Variants in SMYD3 observed in about 807,000 individuals in gnomAD.
The protein encoded by SMYD3 is SET and MYND domain containing 3.
Under a neutral mutation model 57.7 loss-of-function variants are expected in SMYD3, and 36 were observed. The ratio of observed to expected loss-of-function variants is 0.62; its 90% confidence interval spans 0.48 to 0.82. The LOEUF (loss-of-function observed/expected upper bound fraction) is 0.82. SMYD3 is among the 40% of genes least tolerant of loss of function. The pLI is 0.00. For synonymous variants in SMYD3, 211 were observed against 195.0 expected (o/e 1.08, Z -0.68); for missense variants, 515 against 538.8 (o/e 0.96, Z 0.44).
intron 2 of SMYD3, among the ~76,000 whole-genome samples, chr1:246,350,636 G>A (rs1410369632): frequency 1.4e-5 from 2 of 142,102 alleles, no homozygotes; most frequent in East Asian, 4.2e-4. Context: ...AAGGGAAGTG[G>A]GTCTGGGGGA....
intron 10 of SMYD3, among the ~76,000 whole-genome samples, chr1:245,778,382 AT>A (rs1553319320): frequency 1.6e-4 from 24 of 151,188 alleles, no homozygotes; most frequent in East Asian, 1.9e-4. Context: ...GTAGCCAATT[AT>A]TTTTTTTTTC....
At chr1:246,323,890 C>G (rs2065291865) in intron 5 of SMYD3, among the ~76,000 whole-genome samples, 1 of 142,462 alleles carries the variant, frequency 7.0e-6, no homozygotes, top group African/African-American at 2.8e-5. Context: ...AGGTTTAAAA[C>G]TCCGAAGAGA....
chr1:246,329,707 T>G (rs1185514305), intron 4 of SMYD3, among the ~76,000 whole-genome samples: 1 of 152,198 alleles, frequency 6.6e-6, no homozygotes, highest in East Asian at 1.9e-4. Context: ...CAGATCCCAT[T>G]TGTCAATTTT....
At chr1:245,900,395 C>T (rs2054106646) in intron 8 of SMYD3, among the ~76,000 whole-genome samples, 1 of 152,150 alleles carries the variant, frequency 6.6e-6, no homozygotes, top group Non-Finnish European at 1.5e-5. Context: ...TCCCTTTGCT[C>T]TTTGCCTCTT....
chr1:245,766,310 G>C (rs897350354), intron 10 of SMYD3, among the ~76,000 whole-genome samples: 3 of 148,892 alleles, frequency 2.0e-5, no homozygotes, highest in Non-Finnish European at 4.4e-5. Context: ...GGCTGAGGCA[G>C]AAATGCTTGA....
At chr1:245,853,807 T>C (rs2051100287) in intron 10 of SMYD3, among the ~76,000 whole-genome samples, 1 of 152,200 alleles carries the variant, frequency 6.6e-6, no homozygotes. Flanking sequence ...AAACCCCTGA[T>C]TTGTAACCAT....
At chr1:246,237,327 A>T (rs188133851) in intron 5 of SMYD3, among the ~76,000 whole-genome samples, 2 of 152,182 alleles carry the variant, frequency 1.3e-5, no homozygotes, top group Non-Finnish European at 2.9e-5. Context: ...TCCAACCAAG[A>T]TATGAGGAAC....
chr1:246,455,263 T>G (rs1235783519), intron 1 of SMYD3, among the ~76,000 whole-genome samples: 1 of 152,188 alleles, frequency 6.6e-6, no homozygotes, highest in Non-Finnish European at 1.5e-5. Context: ...ATTAACTACC[T>G]AACCAGGAAG....
intron 10 of SMYD3, among the ~76,000 whole-genome samples, chr1:245,784,233 T>TC (rs1311899337): frequency 1.3e-5 from 2 of 152,236 alleles, no homozygotes; most frequent in Non-Finnish European, 2.9e-5. Flanking sequence ...TTTCCAGTTT[T>TC]CCACTGTACT....
chr1:246,327,392 AT>A, intron 4 of SMYD3, 55 bp from the exon 5 acceptor site: 1 of 1,514,894 alleles, frequency 6.6e-7, no homozygotes, highest in South Asian at 1.2e-5. Flanking sequence ...CTGAAGGATA[AT>A]TTTCAAGTGT....
intron 7 of SMYD3, among the ~76,000 whole-genome samples, chr1:245,923,101 A>C (rs1031640887): frequency 6.6e-6 from 1 of 152,170 alleles, no homozygotes; most frequent in African/African-American, 2.4e-5. Context: ...TGGTTCAACG[A>C]GTTGAGAAAA....
At position 246,425,186 on chromosome 1, in the gene SMYD3, T is replaced by C. The variant is rs559942544; in HGVS notation, c.165-70092A>G. Among the ~76,000 whole-genome samples the C allele has an allele frequency of 3.9e-5, 6 of 152,244 alleles. No individual in the cohort carries two copies. The East Asian group carries it at 1.2e-3, about 29-fold the overall frequency. On this transcript the variant is annotated intron_variant, in intron 1 of 11. Transcript: ENST00000490107. ...GCCAGTCCAGACTTCTGAGTGACCA[T>C]GGGCAAAGCACATGCGGTGAGTGGT...
At chr1:246,410,348 A>G (rs2066943980) in intron 1 of SMYD3, among the ~76,000 whole-genome samples, 1 of 152,160 alleles carries the variant, frequency 6.6e-6, no homozygotes, top group South Asian at 2.1e-4. Context: ...ACGTCCCATC[A>G]ATACCTAATT....
chr1:245,903,017 C>T (rs539715887), intron 8 of SMYD3, among the ~76,000 whole-genome samples: 1 of 152,144 alleles, frequency 6.6e-6, no homozygotes, highest in South Asian at 2.1e-4. Flanking sequence ...CTATGATATG[C>T]TTGAAACGAA....
At chr1:245,846,273 C>T (rs1558415251) in intron 10 of SMYD3, among the ~76,000 whole-genome samples, 2 of 152,210 alleles carry the variant, frequency 1.3e-5, no homozygotes, top group South Asian at 2.1e-4. Context: ...CCCTGAATTC[C>T]ATCGCAGTAG....
chr1:245,889,780 A>C (rs147428264), intron 8 of SMYD3, among the ~76,000 whole-genome samples: 39 of 152,312 alleles, frequency 2.6e-4, no homozygotes, highest in African/African-American at 9.1e-4. Flanking sequence ...AGAATAGCCA[A>C]AGCCATTCTG....
chr1:246,170,860 ACTT>A lies in SMYD3; in HGVS notation c.531+156338_531+156340del, dbSNP rs543952117. Among the ~76,000 whole-genome samples the A allele has an allele frequency of 4.1e-3, 622 of 152,296 alleles. 3 individuals carry two copies. The highest frequency in any genetic ancestry group is 0.011 in the South Asian group (54 of 4,830). The stretch of plus-strand genomic sequence containing the variant: ...CTTCTACATTTCTTAAAGCTCGTAG[ACTT>A]CTTATTTTCCTGCACTGTTTGTGAC... On this transcript the variant is annotated intron_variant, in intron 5 of 11. Coordinates refer to ENST00000490107, the MANE Select transcript of SMYD3 (RefSeq NM_001167740.2).
At chr1:246,307,930 C>A (rs140819194) in intron 5 of SMYD3, among the ~76,000 whole-genome samples, 3 of 152,260 alleles carry the variant, frequency 2.0e-5, no homozygotes, top group Non-Finnish European at 4.4e-5. Context: ...ACTCCAGGTA[C>A]CTCGGTAGCC....
At chr1:246,430,085 C>A (rs1345169346) in intron 1 of SMYD3, among the ~76,000 whole-genome samples, 1 of 94,732 alleles carries the variant, frequency 1.1e-5, no homozygotes, top group East Asian at 3.2e-4. Context: ...AATAATCATA[C>A]GAGAAACGGT....
Sources: allele counts gnomAD v4.1 joint callset (sites outside exome capture counted in the v4.1 genomes callset), GRCh38; gene constraint gnomAD v4.1.1; transcripts MANE v1.5; gene names NCBI Gene and HGNC (gene_info 2026-07-23, HGNC 2026-07-21).